DISC1: variants seen among roughly 807,000 people sequenced by gnomAD.
The protein encoded by DISC1 is DISC1 scaffold protein.
DISC1 carries 57 observed loss-of-function variants against 84.5 expected under a neutral mutation model. That is an observed-to-expected ratio of 0.67 (90% CI 0.55 to 0.84). The LOEUF (loss-of-function observed/expected upper bound fraction) is 0.84. Among genes scored for constraint, DISC1 ranks in the 40% least tolerant of loss-of-function variants. The probability of loss-of-function intolerance (pLI) is 0.00; values close to 1 mark genes in which losing one functional copy is unlikely to be tolerated. For missense variants in DISC1, 1,000 were observed against 1,057.8 expected (o/e 0.95, Z 0.76); for synonymous variants, 411 against 415.2 (o/e 0.99, Z 0.12).
chr1:232,015,300 T>C (rs1442951685), intron 11 of DISC1, among the ~76,000 whole-genome samples: 1 of 152,046 alleles, frequency 6.6e-6, no homozygotes, highest in African/African-American at 2.4e-5. Context: ...TTTCCACTAA[T>C]TAAAAATAGT....
chr1:231,915,411 C>T (rs928520367), intron 9 of DISC1, among the ~76,000 whole-genome samples: 1 of 152,220 alleles, frequency 6.6e-6, no homozygotes, highest in African/African-American at 2.4e-5. Context: ...ATGACACTCC[C>T]ACTCATGGGT....
At chr1:231,723,247 GA>G (rs11349693) in intron 3 of DISC1, 881,794 of 936,210 alleles carry the variant, frequency 0.94, 415,621 homozygotes, top group East Asian at 1. Context: ...TGTATTTATT[GA>G]AAAAAAAGTC....
At chr1:231,844,008 A>G (rs1363979075) in intron 9 of DISC1, among the ~76,000 whole-genome samples, 3 of 152,204 alleles carry the variant, frequency 2.0e-5, no homozygotes, top group Non-Finnish European at 4.4e-5. Flanking sequence ...GAGTATCCTA[A>G]AGAACATTAA....
chr1:231,812,209 C>T (rs904138439), intron 8 of DISC1, among the ~76,000 whole-genome samples: 1 of 152,118 alleles, frequency 6.6e-6, no homozygotes. Flanking sequence ...GTGCATACCA[C>T]CATGCCTGGC....
intron 6 of DISC1, among the ~76,000 whole-genome samples, chr1:231,790,649 G>A (rs2078269075): frequency 6.6e-6 from 1 of 151,998 alleles, no homozygotes; most frequent in African/African-American, 2.4e-5. Flanking sequence ...CTCCCAAGTA[G>A]CTGGGACTAC....
In DISC1 at chr1:231,960,245, CTTATTTAT is replaced by C. The variant is rs541805835; in HGVS notation, c.2042+1376_2042+1383del. Among the ~76,000 whole-genome samples the C allele has an allele frequency of 7.2e-5, 11 of 151,978 alleles. No individual in the cohort carries two copies. The South Asian group carries it at 8.3e-4, about 11-fold the overall frequency. ...ACGCATTAGTTTCCTTTACCTTCTT[CTTATTTAT>C]TTATTTATTTATTTATTTTGAGATG... On this transcript the variant is annotated intron_variant, in intron 10 of 12. Transcript: ENST00000439617.
chr1:231,890,747 A>T (rs558013895), intron 9 of DISC1, among the ~76,000 whole-genome samples: 10 of 152,332 alleles, frequency 6.6e-5, no homozygotes, highest in African/African-American at 1.9e-4. Flanking sequence ...TGTATATTTA[A>T]TTGCAATAAA....
Position 231,767,170 on chromosome 1 carries a change from G to A in DISC1, c.1299G>A (p.Leu433=). The A allele has an allele frequency of 6.2e-7, 1 of 1,614,242 alleles. No homozygotes were observed. Among genetic ancestry groups the A allele is most frequent in the Non-Finnish European group, 8.5e-7 (1 of 1,180,044 alleles). Residue 433 remains leucine (L), a synonymous_variant, in exon 5 of 13, where the codon CTG becomes CTA. Transcript: ENST00000439617. ...GCGGAGATGACACCCACACCCCACT[G>A]AGAATGGAGCCGAGGCTGTTGGAAC... The part of the protein sequence containing the change: ...QASGDDTHTP[L]RMEPRLLEPT...
intron 4 of DISC1, among the ~76,000 whole-genome samples, chr1:231,765,651 C>G (rs2076117860): frequency 6.6e-6 from 1 of 152,104 alleles, no homozygotes; most frequent in Non-Finnish European, 1.5e-5. Context: ...GTGAATTTGT[C>G]ATTCTTTGGT....
At chr1:231,763,506 C>A (rs549012278) in intron 4 of DISC1, among the ~76,000 whole-genome samples, 29 of 152,094 alleles carry the variant, frequency 1.9e-4, no homozygotes, top group Non-Finnish European at 3.5e-4. Context: ...TCAGAGAATC[C>A]GATCTTTTTG....
chr1:231,708,504 C>T (rs955146742), intron 3 of DISC1, among the ~76,000 whole-genome samples: 3 of 152,194 alleles, frequency 2.0e-5, no homozygotes, highest in East Asian at 1.9e-4. Flanking sequence ...GAGATCTCTG[C>T]TCTCTGGGTG....
chr1:231,660,570 G>A (rs572882452), intron 1 of DISC1, among the ~76,000 whole-genome samples: 10 of 152,210 alleles, frequency 6.6e-5, no homozygotes, highest in Non-Finnish European at 1.0e-4. Context: ...TCTGCCTCCC[G>A]GGTGAAGCGA....
At chr1:231,798,070 T>C (rs7556217) in intron 7 of DISC1, among the ~76,000 whole-genome samples, 1 of 149,528 alleles carries the variant, frequency 6.7e-6, no homozygotes, top group Non-Finnish European at 1.5e-5. Flanking sequence ...GAGACCAAGG[T>C]CTCAGCTTGA....
chr1:231,767,071 TA>T (rs923067852), intron 4 of DISC1, 68 bp from the exon 5 acceptor site: 6 of 1,598,270 alleles, frequency 3.8e-6, no homozygotes, highest in African/African-American at 2.7e-5. Flanking sequence ...TTCTTACTCT[TA>T]AAATACTTGT....
intron 7 of DISC1, among the ~76,000 whole-genome samples, chr1:231,796,602 G>A (rs1046298043): frequency 6.6e-6 from 1 of 152,138 alleles, no homozygotes; most frequent in Non-Finnish European, 1.5e-5. Context: ...CAGTGATTTT[G>A]CTAAAGGTCA....
At chr1:231,771,620 A>G (rs1162131796) in intron 6 of DISC1, 1 of 983,682 alleles carries the variant, frequency 1.0e-6, no homozygotes. Flanking sequence ...CAGGTGAGGA[A>G]AAACGTTTAA....
At chr1:231,654,085 G>A (rs1395222311) in intron 1 of DISC1, among the ~76,000 whole-genome samples, 2 of 152,122 alleles carry the variant, frequency 1.3e-5, no homozygotes, top group African/African-American at 2.4e-5. Flanking sequence ...TCCATGGTCC[G>A]AGCTCTGTCC....
At chr1:231,941,824 T>G (rs572151089) in intron 9 of DISC1, among the ~76,000 whole-genome samples, 174 of 152,168 alleles carry the variant, frequency 1.1e-3, no homozygotes, top group Non-Finnish European at 2.0e-3. Context: ...AAATATATAA[T>G]TGTTAAAAGG....
At chr1:231,734,301 C>G (rs1166681254) in intron 3 of DISC1, among the ~76,000 whole-genome samples, 1 of 152,094 alleles carries the variant, frequency 6.6e-6, no homozygotes, top group Non-Finnish European at 1.5e-5. Flanking sequence ...TGATGATTGA[C>G]ATTTGGTGAA....
Sources: allele counts gnomAD v4.1 joint callset (sites outside exome capture counted in the v4.1 genomes callset), GRCh38; gene constraint gnomAD v4.1.1; transcripts MANE v1.5; gene names NCBI Gene and HGNC (gene_info 2026-07-23, HGNC 2026-07-21).